Variants in PPM1H observed in about 807,000 individuals in gnomAD.
PPM1H encodes the protein protein phosphatase 1H.
In PPM1H, 27 loss-of-function variants were observed where a neutral mutation model predicts 54.9. The observed-to-expected ratio is 0.49, with a 90% CI of 0.36 to 0.68. The LOEUF (loss-of-function observed/expected upper bound fraction) is 0.68. Among genes scored for constraint, PPM1H ranks in the 30% least tolerant of loss-of-function variants. The probability of loss-of-function intolerance (pLI) is 0.00; values close to 1 mark genes in which losing one functional copy is unlikely to be tolerated. For synonymous variants in PPM1H, 305 were observed against 270.8 expected (o/e 1.13, Z -1.24); for missense variants, 596 against 667.8 (o/e 0.89, Z 1.19).
chr12:62,758,200 A>G (rs1480622346), intron 4 of PPM1H, among the ~76,000 whole-genome samples: 1 of 152,174 alleles, frequency 6.6e-6, no homozygotes, highest in African/African-American at 2.4e-5. Context: ...TAGTTGTGAG[A>G]TCTCTTTCTT....
At position 62,644,344 on chromosome 12, in the gene PPM1H, T is replaced by C. The variant is rs1040197025; in HGVS notation, c.*4145A>G. 6 of 151,956 alleles carry C rather than the reference T, an allele frequency of 3.9e-5. No individual in the cohort carries two copies. The highest frequency in any genetic ancestry group is 1.5e-4 in the African/African-American group (6 of 41,344). 9.4% of individuals were successfully genotyped at this position (151,956 alleles called of 1,614,324 possible). On this transcript the variant is annotated 3_prime_UTR_variant, in exon 10 of 10. Transcript: ENST00000228705. The stretch of plus-strand genomic sequence containing the variant: ...AACTGGGGGCAAAACAGGAGTAAAA[T>C]AATAACCTCAGGACTCAGGAAACAA...
chr12:62,857,754 C>T lies in PPM1H; in HGVS notation c.246-25475G>A, dbSNP rs565256923. 3.8e-4 allele frequency among the ~76,000 whole-genome samples: 58 copies of T among 152,238 alleles called. No individual in the cohort carries two copies. The South Asian group carries it at 0.011, about 29-fold the overall frequency. ...TCAACCTTCACCTCTCCAAATTAGA[C>T]CACCCTTGCTTGCTCTTTATACTAG... On this transcript the variant is annotated intron_variant, in intron 1 of 9. Coordinates refer to ENST00000228705, the MANE Select transcript of PPM1H (RefSeq NM_020700.2).
intron 2 of PPM1H, among the ~76,000 whole-genome samples, chr12:62,821,214 T>A (rs748759440): frequency 4.0e-5 from 6 of 151,588 alleles, no homozygotes; most frequent in Non-Finnish European, 8.8e-5. Flanking sequence ...AGAGGAGAAG[T>A]TTAGAGAAAA....
chr12:62,780,941 A>T (rs531260229), intron 4 of PPM1H, among the ~76,000 whole-genome samples: 2 of 152,318 alleles, frequency 1.3e-5, no homozygotes, highest in East Asian at 1.9e-4. Flanking sequence ...CTAAGTGCAA[A>T]TATTCTACTT....
chr12:62,851,628 G>A (rs1022020843), intron 1 of PPM1H, among the ~76,000 whole-genome samples: 6 of 151,876 alleles, frequency 4.0e-5, no homozygotes, highest in Non-Finnish European at 8.8e-5. Context: ...ACTTGAACCC[G>A]GGGGGTGAAG....
chr12:62,866,509 C>T (rs551912426), intron 1 of PPM1H, among the ~76,000 whole-genome samples: 49 of 152,240 alleles, frequency 3.2e-4, no homozygotes, highest in African/African-American at 1.1e-3. Context: ...TTGGATCATT[C>T]ACCACGAGGA....
rs143605382 is a variant in PPM1H, at chr12:62,699,478, G to A, written c.1074-5479C>T. Reference sequence around the variant, plus strand: ...CTCCCAAAGAGCTGGGATTACAGGCGTAAGCCACTACACCGGGCAATTTCC... The same window carrying A: ...CTCCCAAAGAGCTGGGATTACAGGCATAAGCCACTACACCGGGCAATTTCC... On this transcript the variant is annotated intron_variant, in intron 6 of 9. Coordinates refer to ENST00000228705, the MANE Select transcript of PPM1H (RefSeq NM_020700.2). Among the ~76,000 whole-genome samples, 104 of 152,332 alleles carry A rather than the reference G, an allele frequency of 6.8e-4. 1 individual carries two copies. The highest frequency in any genetic ancestry group is 2.3e-3 in the African/African-American group (96 of 41,578).
chr12:62,688,640 T>A (rs986321163), intron 8 of PPM1H, among the ~76,000 whole-genome samples: 4 of 152,084 alleles, frequency 2.6e-5, no homozygotes, highest in Non-Finnish European at 4.4e-5. Context: ...TCTCTAAACA[T>A]CAGCTGAATG....
At chr12:62,898,746 C>T (rs1871072066) in intron 1 of PPM1H, among the ~76,000 whole-genome samples, 4 of 152,158 alleles carry the variant, frequency 2.6e-5, no homozygotes, top group Non-Finnish European at 1.5e-5. Flanking sequence ...AAACAACTTC[C>T]TGAAACATAT....
At chr12:62,713,968 T>TA (rs891860827) in intron 6 of PPM1H, among the ~76,000 whole-genome samples, 47 of 150,898 alleles carry the variant, frequency 3.1e-4, no homozygotes, top group Admixed American at 7.3e-4. Context: ...ACCCTGTCTT[T>TA]AAAAAAAACA....
At chr12:62,670,129 C>T (rs2075948652) in intron 8 of PPM1H, among the ~76,000 whole-genome samples, 2 of 151,684 alleles carry the variant, frequency 1.3e-5, no homozygotes, top group African/African-American at 2.4e-5. Flanking sequence ...AGGCATGTGC[C>T]ACCACGCCCG....
At chr12:62,712,515 C>A (rs1450289055) in intron 6 of PPM1H, among the ~76,000 whole-genome samples, 2 of 152,226 alleles carry the variant, frequency 1.3e-5, no homozygotes, top group African/African-American at 4.8e-5. Flanking sequence ...TCAGGATTTA[C>A]ACTGGGGTGG....
chr12:62,755,442 T>C lies in PPM1H; in HGVS notation c.870-17856A>G, dbSNP rs2076466703. 9 of 698,364 alleles carry C rather than the reference T, an allele frequency of 1.3e-5. No homozygotes were observed. The Admixed American group carries it at 1.6e-4, about 12-fold the overall frequency. The allele number at this position is 698,364 out of a possible 1,614,324, so 43.3% of individuals were successfully genotyped here. Reference sequence around the variant, plus strand: ...GGAAGCTTGTCATCAACGAAAATCCTATCACCATCTTCCAGGAGCGAGATC... The same window carrying C: ...GGAAGCTTGTCATCAACGAAAATCCCATCACCATCTTCCAGGAGCGAGATC... On this transcript the variant is annotated intron_variant, in intron 4 of 9. Coordinates refer to ENST00000228705, the MANE Select transcript of PPM1H (RefSeq NM_020700.2).
At chr12:62,800,272 T>C (rs891169911) in intron 3 of PPM1H, among the ~76,000 whole-genome samples, 38 of 152,190 alleles carry the variant, frequency 2.5e-4, no homozygotes, top group African/African-American at 9.2e-4. Context: ...GGCAAGACGC[T>C]TCTAGCTGTT....
At chr12:62,807,523 T>C (rs1051682011) in intron 2 of PPM1H, among the ~76,000 whole-genome samples, 1 of 152,190 alleles carries the variant, frequency 6.6e-6, no homozygotes, top group Non-Finnish European at 1.5e-5. Context: ...AATCCCATCT[T>C]CAACACCAAT....
intron 2 of PPM1H, among the ~76,000 whole-genome samples, chr12:62,828,995 T>C (rs1345278759): frequency 5.3e-5 from 8 of 151,894 alleles, no homozygotes; most frequent in African/African-American, 1.7e-4. Flanking sequence ...CCCTCTCCAT[T>C]GTTGGTAGGA....
intron 4 of PPM1H, among the ~76,000 whole-genome samples, chr12:62,742,560 C>A (rs1391456857): frequency 6.6e-6 from 1 of 152,206 alleles, no homozygotes; most frequent in African/African-American, 2.4e-5. Context: ...GCCTTTAAAG[C>A]TACAGTCTGT....
At chr12:62,715,388 G>A (rs538923511) in intron 6 of PPM1H, among the ~76,000 whole-genome samples, 54 of 152,082 alleles carry the variant, frequency 3.6e-4, no homozygotes, top group African/African-American at 9.4e-4. Context: ...AGCACTGGGG[G>A]CACTGCGAAG....
chr12:62,707,680 C>A (rs1001599776), intron 6 of PPM1H, among the ~76,000 whole-genome samples: 3 of 152,162 alleles, frequency 2.0e-5, no homozygotes, highest in East Asian at 1.9e-4. Context: ...TGTAGGTAAA[C>A]CTTTGTCTAT....
Sources: allele counts gnomAD v4.1 joint callset (sites outside exome capture counted in the v4.1 genomes callset), GRCh38; gene constraint gnomAD v4.1.1; transcripts MANE v1.5; gene names NCBI Gene and HGNC (gene_info 2026-07-23, HGNC 2026-07-21).